Variants in XRCC5 observed in about 807,000 individuals in gnomAD.
The protein encoded by XRCC5 is DNA repair protein Ku80.
XRCC5 carries 12 observed loss-of-function variants against 95.7 expected under a neutral mutation model. The ratio of observed to expected loss-of-function variants is 0.13; its 90% CI spans 0.08 to 0.20. XRCC5 has a LOEUF of 0.20. Among genes scored for constraint, XRCC5 ranks in the 10% least tolerant of loss-of-function variants. The pLI, the probability that XRCC5 is intolerant of heterozygous loss-of-function variation, is 1.00. For missense variants in XRCC5, 595 were observed against 873.9 expected (o/e 0.68, Z 4.02); for synonymous variants, 281 against 290.3 (o/e 0.97, Z 0.33).
chr2:216,120,177 A>G (rs1432730918), intron 5 of XRCC5, among the ~76,000 whole-genome samples: 1 of 152,242 alleles, frequency 6.6e-6, no homozygotes, highest in Non-Finnish European at 1.5e-5. Flanking sequence ...CTTCAGAGAA[A>G]TTAAGTGCTT....
intron 14 of XRCC5, among the ~76,000 whole-genome samples, chr2:216,153,766 A>G (rs968008949): frequency 4.6e-5 from 7 of 152,232 alleles, no homozygotes; most frequent in Non-Finnish European, 8.8e-5. Context: ...CTGTAATGCC[A>G]CTTTGCCTTA....
At chr2:216,157,795 A>G (rs72952693) in intron 14 of XRCC5, among the ~76,000 whole-genome samples, 5,398 of 152,344 alleles carry the variant, frequency 0.035, 135 homozygotes, top group Middle Eastern at 0.11. Context: ...CCATGGTCTC[A>G]TCATCCAGAT....
At chr2:216,191,200 G>T (rs996237543) in intron 17 of XRCC5, among the ~76,000 whole-genome samples, 1 of 152,164 alleles carries the variant, frequency 6.6e-6, no homozygotes, top group Non-Finnish European at 1.5e-5. Context: ...TCAATGGAAA[G>T]AGATAGTAAA....
chr2:216,194,631 T>A (rs1408617411), intron 18 of XRCC5, among the ~76,000 whole-genome samples: 1 of 152,192 alleles, frequency 6.6e-6, no homozygotes, highest in Non-Finnish European at 1.5e-5. Flanking sequence ...GTTGCCTTTA[T>A]AGTTTTATAT....
intron 16 of XRCC5, among the ~76,000 whole-genome samples, chr2:216,183,507 G>GAATAAT (rs891030764): frequency 2.6e-5 from 4 of 152,146 alleles, no homozygotes; most frequent in Admixed American, 2.6e-4. Flanking sequence ...TTATTGGTAA[G>GAATAAT]AATAATAATA....
chr2:216,141,462 T>G, intron 13 of XRCC5, 143 bp downstream of exon 13: 1 of 648,512 alleles, frequency 1.5e-6, no homozygotes, highest in Non-Finnish European at 2.4e-6. Context: ...GAATAACATC[T>G]TCCTCTCCTA....
rs149998611 is a variant in XRCC5, at chr2:216,187,786, G to GACACACACACACACACAC, written c.1835-2420_1835-2403dup. Reference sequence around the variant, plus strand: ...AGTATCTGTGATGCCATGAACTCCTGACACACACACACACACACACACACA... The same window carrying GACACACACACACACACAC: ...AGTATCTGTGATGCCATGAACTCCTGACACACACACACACACACACACACACACACACACACACACACA... On this transcript the variant is annotated intron_variant, in intron 16 of 20. Coordinates refer to ENST00000392132, the MANE Select transcript of XRCC5 (RefSeq NM_021141.4). 1.8e-3 allele frequency among the ~76,000 whole-genome samples: 113 copies of GACACACACACACACACAC among 64,516 alleles called. 8 individuals carry two copies. The highest frequency in any genetic ancestry group is 6.7e-3 in the African/African-American group (67 of 9,948). 42.3% of individuals were successfully genotyped at this position (64,516 alleles called of 152,430 possible).
intron 16 of XRCC5, among the ~76,000 whole-genome samples, chr2:216,183,529 A>G (rs1314043194): frequency 6.6e-6 from 1 of 152,232 alleles, no homozygotes; most frequent in Non-Finnish European, 1.5e-5. Flanking sequence ...TAATTTAAAA[A>G]TACAGGACTG....
intron 16 of XRCC5, among the ~76,000 whole-genome samples, chr2:216,177,653 TATCAAGTAC>T (rs1689303976): frequency 6.6e-6 from 1 of 152,198 alleles, no homozygotes; most frequent in South Asian, 2.1e-4. Context: ...GCAGCAGGTA[TATCAAGTAC>T]ATCAAGTCTT....
At chr2:216,136,967 CAG>C (rs1020914136) in intron 10 of XRCC5, 119 bp from the exon 11 acceptor site, 118 of 1,240,720 alleles carry the variant, frequency 9.5e-5, no homozygotes, top group Non-Finnish European at 1.2e-4. Flanking sequence ...TCCTTCAAGT[CAG>C]GGGGCACCCT....
chr2:216,141,568 C>CTTTTTTTTTTTTTTTTTTTT (rs1574463198), intron 13 of XRCC5, among the ~76,000 whole-genome samples: 1 of 13,756 alleles, frequency 7.3e-5, no homozygotes. Context: ...TTTTTTTTTC[C>CTTTTTTTTTTTTTTTTTTTT]TGGAAGAAGC....
intron 16 of XRCC5, among the ~76,000 whole-genome samples, chr2:216,179,254 A>T (rs115779171): frequency 0.011 from 1,635 of 152,272 alleles, 22 homozygotes; most frequent in African/African-American, 0.037. Flanking sequence ...TTCTCTCTTA[A>T]CAGGGGAGTT....
chr2:216,187,153 G>C (rs752491009), intron 16 of XRCC5, among the ~76,000 whole-genome samples: 160 of 152,110 alleles, frequency 1.1e-3, no homozygotes, highest in Non-Finnish European at 1.4e-3. Flanking sequence ...GCCAAAATCT[G>C]GTTGTTTGTA....
At chr2:216,158,128 C>A (rs1237520787) in intron 14 of XRCC5, among the ~76,000 whole-genome samples, 1 of 152,172 alleles carries the variant, frequency 6.6e-6, no homozygotes, top group Non-Finnish European at 1.5e-5. Flanking sequence ...TGAAGAAATT[C>A]TTCATGTGAT....
intron 5 of XRCC5, 77 bp from the exon 6 acceptor site, chr2:216,121,985 A>G (rs1696820504): frequency 3.1e-6 from 4 of 1,294,866 alleles, no homozygotes; most frequent in South Asian, 1.7e-5. Flanking sequence ...AGGTTGACTG[A>G]TGTGCTCATT....
chr2:216,116,951 A>G (rs931160520), intron 3 of XRCC5, 109 bp downstream of exon 3: 4 of 1,273,812 alleles, frequency 3.1e-6, no homozygotes, highest in Admixed American at 2.1e-5. Flanking sequence ...ATATGGGTAT[A>G]TTTTGCTCTG....
At chr2:216,166,283 G>A (rs1349180980) in intron 16 of XRCC5, among the ~76,000 whole-genome samples, 2 of 151,934 alleles carry the variant, frequency 1.3e-5, no homozygotes, top group African/African-American at 4.8e-5. Context: ...TACCACACCA[G>A]GCTAATTTTT....
At chr2:216,117,626 A>T in intron 3 of XRCC5, 120 bp from the exon 4 acceptor site, 1 of 922,808 alleles carries the variant, frequency 1.1e-6, no homozygotes, top group African/African-American at 1.6e-5. Flanking sequence ...TCAGGCAAGT[A>T]CTTTAAGTCA....
intron 16 of XRCC5, among the ~76,000 whole-genome samples, chr2:216,171,006 G>A (rs557624022): frequency 1.3e-5 from 2 of 152,164 alleles, no homozygotes; most frequent in Non-Finnish European, 2.9e-5. Flanking sequence ...AAAGGAAACC[G>A]GTTTCAGATT....
Sources: gnomAD v4.1 joint callset for allele counts (sites outside exome capture counted in the v4.1 genomes callset) on GRCh38, gnomAD v4.1.1 for gene constraint, MANE v1.5 for transcripts, NCBI Gene and HGNC (gene_info 2026-07-23, HGNC 2026-07-21) for gene names.